Variants in NAF1 observed in about 807,000 individuals in gnomAD.
NAF1 encodes the protein H/ACA ribonucleoprotein complex non-core subunit NAF1.
Under a neutral mutation model 40.6 loss-of-function variants are expected in NAF1, and 11 were observed. The observed-to-expected ratio is 0.27, with a 90% CI of 0.17 to 0.45. NAF1 has a LOEUF of 0.45. Among genes scored for constraint, NAF1 ranks in the 20% least tolerant of loss-of-function variants. The pLI is 1.00. For synonymous variants in NAF1, 260 were observed against 228.5 expected (o/e 1.14, Z -1.24); for missense variants, 607 against 611.1 (o/e 0.99, Z 0.07).
At chr4:163,126,806 C>T, downstream of NAF1, 9 of 831,060 alleles carry the variant, frequency 1.1e-5, no homozygotes, top group Non-Finnish European at 1.5e-5. Context: ...GGAGAAACTG[C>T]CACTTTTAGC....
chr4:163,161,588 A>G (rs1732225454), intron 2 of NAF1, among the ~76,000 whole-genome samples: 1 of 152,212 alleles, frequency 6.6e-6, no homozygotes, highest in African/African-American at 2.4e-5. Context: ...CATGTAAAAG[A>G]AACAGTGTGA....
downstream of NAF1, among the ~76,000 whole-genome samples, chr4:163,105,896 CTTAAG>C (rs1304285703): frequency 6.6e-6 from 1 of 152,140 alleles, no homozygotes; most frequent in African/African-American, 2.4e-5. Context: ...GAGAATTAGG[CTTAAG>C]TTATGATTGA....
intron 2 of NAF1, among the ~76,000 whole-genome samples, chr4:163,113,137 C>T (rs1055273580): frequency 2.6e-5 from 4 of 152,182 alleles, no homozygotes; most frequent in African/African-American, 7.2e-5. Flanking sequence ...AGATGGCAAG[C>T]ACTTCAGGGT....
At chr4:163,121,679 CTTTT>C (rs576222396) in intron 2 of NAF1, among the ~76,000 whole-genome samples, 1 of 152,052 alleles carries the variant, frequency 6.6e-6, no homozygotes, top group African/African-American at 2.4e-5. Context: ...GTTTTTAATT[CTTTT>C]TTTAAGATCT....
intron 2 of NAF1, among the ~76,000 whole-genome samples, chr4:163,153,382 C>T (rs943069236): frequency 7.2e-5 from 11 of 152,200 alleles, no homozygotes; most frequent in African/African-American, 2.7e-4. Context: ...CAATCAGCAC[C>T]CTGTGTTTAG....
intron 2 of NAF1, among the ~76,000 whole-genome samples, chr4:163,150,845 T>C (rs957537666): frequency 6.6e-6 from 1 of 152,140 alleles, no homozygotes; most frequent in African/African-American, 2.4e-5. Context: ...TACTGCTAAA[T>C]TTCTTCTTAA....
chr4:163,155,224 C>T (rs1009532980), intron 2 of NAF1, among the ~76,000 whole-genome samples: 16 of 152,138 alleles, frequency 1.1e-4, no homozygotes, highest in African/African-American at 3.4e-4. Flanking sequence ...TTTCTAAACA[C>T]ATTGTTGTCC....
chr4:163,119,405 T>C (rs1442519976), intron 2 of NAF1: 1 of 152,192 alleles, frequency 6.6e-6, no homozygotes, highest in Non-Finnish European at 1.5e-5. Flanking sequence ...TGTCTTCAGA[T>C]ACTACTTTGA....
At chr4:163,110,603 T>G (rs1485360744) in intron 2 of NAF1, among the ~76,000 whole-genome samples, 1 of 152,190 alleles carries the variant, frequency 6.6e-6, no homozygotes, top group Non-Finnish European at 1.5e-5. Flanking sequence ...ATTTTGCATA[T>G]TCTCTTACTG....
intron 2 of NAF1, chr4:163,158,243 C>G (rs956682331): frequency 6.6e-6 from 1 of 152,020 alleles, no homozygotes; most frequent in Non-Finnish European, 1.5e-5. Context: ...ATTAGGTGAG[C>G]CTTCACTTTT....
chr4:163,163,493 A>G (rs1220025830), intron 2 of NAF1, among the ~76,000 whole-genome samples: 1 of 152,112 alleles, frequency 6.6e-6, no homozygotes, highest in East Asian at 1.9e-4. Context: ...ATGCAGGGGT[A>G]GAAAAAAAAC....
chr4:163,127,535 T>C (rs542128777), downstream of NAF1, among the ~76,000 whole-genome samples: 1 of 152,342 alleles, frequency 6.6e-6, no homozygotes, highest in Non-Finnish European at 1.5e-5. Context: ...GTTTTTCTTT[T>C]AGTGCTTTTA....
At chr4:163,130,315 T>C (rs566910624) in intron 7 of NAF1, among the ~76,000 whole-genome samples, 10 of 152,164 alleles carry the variant, frequency 6.6e-5, no homozygotes, top group Admixed American at 2.6e-4. Context: ...AAAGCAGTCA[T>C]AAAAATGCTT....
chr4:163,151,441 T>A (rs1042209879), intron 2 of NAF1, among the ~76,000 whole-genome samples: 2 of 152,040 alleles, frequency 1.3e-5, no homozygotes, highest in African/African-American at 2.4e-5. Flanking sequence ...AGTGATTGGC[T>A]TTATCTTTAT....
chr4:163,137,092 G>T, intron 6 of NAF1, 107 bp downstream of exon 6: 1 of 1,246,154 alleles, frequency 8.0e-7, no homozygotes, highest in Non-Finnish European at 1.1e-6. Flanking sequence ...AGGCAGTATG[G>T]CTGCTAGCCA....
chr4:163,152,043 T>G (rs1340476191), intron 2 of NAF1, among the ~76,000 whole-genome samples: 2 of 152,192 alleles, frequency 1.3e-5, no homozygotes, highest in Admixed American at 6.5e-5. Context: ...CTTTTCAATA[T>G]TAGTACATGG....
In NAF1 at chr4:163,140,209, GGTAAA is replaced by G. The variant is rs776210881; in HGVS notation, c.878+9_878+13del. 3 of 1,562,998 alleles carry G rather than the reference GGTAAA, an allele frequency of 1.9e-6. No individual in the cohort carries two copies. Among genetic ancestry groups the G allele is most frequent in the East Asian group, 4.6e-5 (2 of 43,416 alleles). ...TTAGGTAAGTGAAGAACAACATGCC[GGTAAA>G]GTACTTACTGTTTTAGTTTTTCTGT... On this transcript the variant is annotated intron_variant, in intron 5 of 7. Transcript: ENST00000274054.
At chr4:163,141,660 ATAC>A (rs1410140187) in intron 4 of NAF1, among the ~76,000 whole-genome samples, 1 of 152,162 alleles carries the variant, frequency 6.6e-6, no homozygotes, top group Admixed American at 6.5e-5. Context: ...ATAAATCACT[ATAC>A]TTCAGACTTC....
chr4:163,137,923 T>C (rs1038957235), intron 5 of NAF1, among the ~76,000 whole-genome samples: 3 of 152,074 alleles, frequency 2.0e-5, no homozygotes, highest in African/African-American at 4.8e-5. Flanking sequence ...TGGTGGAGAG[T>C]TTTACACTTT....
Sources: allele counts gnomAD v4.1 joint callset (sites outside exome capture counted in the v4.1 genomes callset), GRCh38; gene constraint gnomAD v4.1.1; transcripts MANE v1.5; gene names NCBI Gene and HGNC (gene_info 2026-07-23, HGNC 2026-07-21).